LAMA3: variants seen among roughly 807,000 people sequenced by gnomAD.
LAMA3 encodes the protein laminin subunit alpha-3.
Under a neutral mutation model 402.0 loss-of-function variants are expected in LAMA3, and 281 were observed. That is an observed-to-expected ratio of 0.70 (90% CI 0.63 to 0.77). The LOEUF (loss-of-function observed/expected upper bound fraction) is 0.77. Among genes scored for constraint, LAMA3 ranks in the 30% least tolerant of loss-of-function variants. The pLI is 0.00. For synonymous variants in LAMA3, 1,431 were observed against 1,558.4 expected (o/e 0.92, Z 1.93); for missense variants, 3,840 against 4,215.5 (o/e 0.91, Z 2.47).
At chr18:23,730,234 T>G (rs2061368582) in intron 2 of LAMA3, among the ~76,000 whole-genome samples, 1 of 152,140 alleles carries the variant, frequency 6.6e-6, no homozygotes, top group Non-Finnish European at 1.5e-5. Context: ...GGTTCCAACA[T>G]TTCATCCCTA....
chr18:23,738,748 A>G (rs1466272905), intron 2 of LAMA3, among the ~76,000 whole-genome samples: 2 of 152,180 alleles, frequency 1.3e-5, no homozygotes, highest in Non-Finnish European at 2.9e-5. Flanking sequence ...TGGAAGTGAG[A>G]TGGTGCTGCC....
In LAMA3 at chr18:23,775,885, A is replaced by C. The variant is rs773553166; in HGVS notation, c.1367A>C (p.Lys456Thr). Residue 456 changes from lysine to threonine, a missense_variant, in exon 10 of 75, where the codon AAG (lysine) becomes ACG (threonine). Transcript: ENST00000313654. ...AATTTCCACGGAGACAACTGTGAGA[A>C]GTGTGCAATTGGATACTACAATTTC... ...KPNFHGDNCE[K>T]CAIGYYNFPF... 17 of 1,614,004 alleles carry C rather than the reference A, an allele frequency of 1.1e-5. No individual in the cohort carries two copies. In the East Asian group the frequency reaches 3.3e-4, roughly 32 times the overall value.
At chr18:23,934,108 T>C (rs1046979752) in intron 67 of LAMA3, among the ~76,000 whole-genome samples, 173 bp downstream of exon 67, 3 of 152,230 alleles carry the variant, frequency 2.0e-5, no homozygotes, top group Non-Finnish European at 4.4e-5. Flanking sequence ...TCTTTTTAGC[T>C]TGTATTTCGC....
At chr18:23,769,662 C>T (rs909156959) in intron 8 of LAMA3, among the ~76,000 whole-genome samples, 12 of 152,128 alleles carry the variant, frequency 7.9e-5, no homozygotes, top group South Asian at 4.1e-4. Flanking sequence ...CATGCATGTG[C>T]GCAAGCACAC....
At chr18:23,884,905 G>A in intron 41 of LAMA3, 52 bp downstream of exon 41, 1 of 1,433,604 alleles carries the variant, frequency 7.0e-7, no homozygotes, top group Non-Finnish European at 9.7e-7. Flanking sequence ...GGGGAGGGCT[G>A]TGGGTGGGGC....
At chr18:23,690,166 A>G (rs2060554432) in intron 1 of LAMA3, among the ~76,000 whole-genome samples, 189 bp downstream of exon 1, 1 of 152,128 alleles carries the variant, frequency 6.6e-6, no homozygotes, top group Admixed American at 6.5e-5. Flanking sequence ...CCGCACCGGC[A>G]CCACCGGCCC....
At chr18:23,890,235 G>A (rs1599015677) in intron 42 of LAMA3, 118 bp downstream of exon 42, 1 of 747,014 alleles carries the variant, frequency 1.3e-6, no homozygotes. Flanking sequence ...CCAGCAAGCT[G>A]TCCCCAGGAT....
At chr18:23,750,449 T>G (rs1160764011) in intron 4 of LAMA3, among the ~76,000 whole-genome samples, 10 of 141,720 alleles carry the variant, frequency 7.1e-5, no homozygotes, top group African/African-American at 2.3e-4. Context: ...TTTTTTTTTT[T>G]TTTTTTTTTT....
Position 23,903,057 on chromosome 18 carries a change from C to T in LAMA3, c.6250C>T (p.Leu2084=). Residue 2084 remains leucine, a synonymous_variant, in exon 49 of 75, where the codon CTA becomes TTA. Transcript: ENST00000313654. ...NSLQSDFTKY[L]TTADSSLLQT... is the part of the protein sequence containing the mutation. ...CCTGCAGAGTGATTTCACCAAGTAT[C>T]TAACCACTGCAGACTCATCTTTGTT... 1 of 1,613,110 alleles carries T rather than the reference C, an allele frequency of 6.2e-7. No homozygotes were observed. The highest frequency in any genetic ancestry group is 8.5e-7 in the Non-Finnish European group (1 of 1,179,214).
At position 23,920,982 on chromosome 18, in the gene LAMA3, A is replaced by G. The variant is rs1290007234; in HGVS notation, c.7971A>G (p.Arg2657=). ...LNIEDGKLMV[R]YKLNSELPKE... is the part of the protein sequence containing the mutation. ...TAGAAGATGGCAAGCTCATGGTGAG[A>G]TACAAACTGAATTCAGAGCTACCAA... The change falls in exon 61 of 75, where the codon AGA becomes AGG. Residue 2657 remains arginine (R), a synonymous_variant. Transcript: ENST00000313654. The G allele has an allele frequency of 2.5e-6, 4 of 1,613,968 alleles. No homozygotes were observed. The highest frequency in any genetic ancestry group is 2.2e-5 in the East Asian group (1 of 44,882).
intron 46 of LAMA3, 99 bp downstream of exon 46, chr18:23,899,164 A>G: frequency 7.8e-7 from 1 of 1,289,666 alleles, no homozygotes; most frequent in Non-Finnish European, 1.1e-6. Context: ...TTATGAAAAG[A>G]ATCCCATAGT....
rs914517685 is a variant in LAMA3, at chr18:23,861,905, T to G, written c.4584+98T>G. ...AAATCTGGAAGGAAGCATCCAGCAG[T>G]TCAGGTTACTAACGTTCCAGAAATG... On this transcript the variant is annotated intron_variant, in intron 35 of 74. Coordinates refer to ENST00000313654, the MANE Select transcript of LAMA3 (RefSeq NM_198129.4). 9.2e-6 allele frequency: 12 copies of G among 1,310,670 alleles called. No individual in the cohort carries two copies. In the African/African-American group the frequency reaches 1.6e-4, roughly 18 times the overall value. The allele number at this position is 1,310,670 out of a possible 1,614,324, so 81.2% of individuals were successfully genotyped here.
intron 1 of LAMA3, among the ~76,000 whole-genome samples, chr18:23,690,417 A>G (rs1335369521): frequency 6.6e-6 from 1 of 152,192 alleles, no homozygotes; most frequent in African/African-American, 2.4e-5. Flanking sequence ...GTATTTTAAG[A>G]GAGAATTTTT....
chr18:23,847,788 C>T, intron 32 of LAMA3, 120 bp downstream of exon 32: 14 of 982,472 alleles, frequency 1.4e-5, no homozygotes, highest in Admixed American at 4.0e-5. Context: ...GTGTTGACCT[C>T]GGCATGAGCT....
At chr18:23,851,954 G>T (rs2063955221) in intron 32 of LAMA3, among the ~76,000 whole-genome samples, 1 of 143,142 alleles carries the variant, frequency 7.0e-6, no homozygotes, top group Non-Finnish European at 1.5e-5. Context: ...TCTCCCTTTG[G>T]GTTAAAAAAA....
intron 2 of LAMA3, among the ~76,000 whole-genome samples, chr18:23,718,056 G>A: frequency 6.6e-6 from 1 of 152,150 alleles, no homozygotes. Flanking sequence ...CATCTGGCCA[G>A]ATATAATGAG....
chr18:23,907,620 C>T lies in LAMA3; in HGVS notation c.6789C>T (p.Asp2263=), dbSNP rs770995947. Reference sequence around the variant, plus strand: ...TGACAGTTCAGAAAGAAGTGATAGACACCAATCTCACAACTCTCCGAGATG... The same window carrying T: ...TGACAGTTCAGAAAGAAGTGATAGATACCAATCTCACAACTCTCCGAGATG... ...NIVTVQKEVI[D]TNLTTLRDGL... The change falls in exon 53 of 75, where the codon GAC becomes GAT. Residue 2263 remains aspartate, a synonymous_variant. Transcript: ENST00000313654. 12 of 1,613,810 alleles carry T rather than the reference C, an allele frequency of 7.4e-6. No individual in the cohort carries two copies. Among genetic ancestry groups the T allele is most frequent in the Non-Finnish European group, 1.0e-5 (12 of 1,179,782 alleles).
At chr18:23,800,494 T>G (rs2062847570) in intron 12 of LAMA3, among the ~76,000 whole-genome samples, 1 of 152,222 alleles carries the variant, frequency 6.6e-6, no homozygotes, top group Non-Finnish European at 1.5e-5. Context: ...AGTCAGTAAT[T>G]AGCTTATCTA....
intron 36 of LAMA3, 38 bp downstream of exon 36, chr18:23,864,921 C>A: frequency 7.8e-7 from 1 of 1,281,368 alleles, no homozygotes; most frequent in Non-Finnish European, 1.1e-6. Flanking sequence ...CAGGAAGTGG[C>A]AGTTGCAGTT....
Sources: allele counts gnomAD v4.1 joint callset (sites outside exome capture counted in the v4.1 genomes callset), GRCh38; gene constraint gnomAD v4.1.1; transcripts MANE v1.5; gene names NCBI Gene and HGNC (gene_info 2026-07-23, HGNC 2026-07-21).